The following UNKL variants were observed in gnomAD, a reference collection of about 807,000 sequenced individuals.
The protein encoded by UNKL is putative E3 ubiquitin-protein ligase UNKL.
Under a neutral mutation model 78.0 loss-of-function variants are expected in UNKL, and 60 were observed. The observed-to-expected ratio is 0.77, with a 90% CI of 0.63 to 0.95. The LOEUF (loss-of-function observed/expected upper bound fraction) is 0.95, where lower values mean the gene tolerates loss of function less well. Among genes scored for constraint, UNKL ranks in the 40% least tolerant of loss-of-function variants. UNKL has a pLI of 0.00. For missense variants in UNKL, 1,159 were observed against 1,045.7 expected (o/e 1.11, Z -1.49); for synonymous variants, 608 against 474.8 (o/e 1.28, Z -3.65).
At chr16:1,391,127 G>GTGAT (rs1384946655) in intron 8 of UNKL, among the ~76,000 whole-genome samples, 1 of 151,458 alleles carries the variant, frequency 6.6e-6, no homozygotes, top group Non-Finnish European at 1.5e-5. Context: ...TGCAGGCTGG[G>GTGAT]TGATAGAGTG....
chr16:1,364,948 T>TACA lies in UNKL; in HGVS notation c.*1289_*1291dup, dbSNP rs1555452776. On this transcript the variant is annotated 3_prime_UTR_variant, in exon 15 of 15. Coordinates refer to ENST00000389221, the MANE Select transcript of UNKL (RefSeq NM_001372107.1). Reference sequence around the variant, plus strand: ...ACGCCCAGCGACATCTCCAAGGAGCTACAAAGCACCATTGCCTAGGACAGC... The same window carrying TACA: ...ACGCCCAGCGACATCTCCAAGGAGCTACAACAAAGCACCATTGCCTAGGACAGC... 2 of 151,118 alleles carry TACA rather than the reference T, an allele frequency of 1.3e-5. No individual in the cohort carries two copies. The highest frequency in any genetic ancestry group is 6.6e-5 in the Admixed American group (1 of 15,180). The allele number at this position is 151,118 out of a possible 1,614,324, so 9.4% of individuals were successfully genotyped here. A position where few individuals can be genotyped will look rare whatever the true frequency, so the allele number is the denominator to read the frequency against.
chr16:1,366,889 A>AGGAAAGACGGCTCCCAGGG (rs1555453353), intron 14 of UNKL, among the ~76,000 whole-genome samples: 8 of 151,136 alleles, frequency 5.3e-5, no homozygotes, highest in Admixed American at 6.6e-5. Context: ...CCAGCCTGAC[A>AGGAAAGACGGCTCCCAGGG]GGAAAGGCGG....
intron 14 of UNKL, among the ~76,000 whole-genome samples, 180 bp from the exon 15 acceptor site, chr16:1,366,575 CA>C (rs959662281): frequency 1.3e-5 from 2 of 151,974 alleles, no homozygotes; most frequent in African/African-American, 2.4e-5. Flanking sequence ...GCTGCGGGGT[CA>C]GGGGGTATGC....
intron 7 of UNKL, 107 bp from the exon 8 acceptor site, chr16:1,393,083 C>A: frequency 8.4e-7 from 1 of 1,194,248 alleles, no homozygotes; most frequent in Non-Finnish European, 1.2e-6. Flanking sequence ...AGCCTCGTCA[C>A]AATCATCCCT....
intron 4 of UNKL, among the ~76,000 whole-genome samples, chr16:1,400,548 CTGCTCATAAG>C (rs2037481948): frequency 6.6e-6 from 1 of 150,578 alleles, no homozygotes; most frequent in African/African-American, 2.4e-5. Flanking sequence ...TGGGGAGGAA[CTGCTCATAAG>C]CAGGGGGGTT....
At chr16:1,372,084 G>A (rs914097996) in intron 10 of UNKL, among the ~76,000 whole-genome samples, 28 of 97,918 alleles carry the variant, frequency 2.9e-4, no homozygotes, top group African/African-American at 1.0e-3. Context: ...GTGAAACCCC[G>A]TCTCAACCAA....
intron 2 of UNKL, chr16:1,412,185 T>G (rs1043650492): frequency 1.3e-5 from 2 of 152,258 alleles, no homozygotes; most frequent in African/African-American, 4.8e-5. Context: ...ATATATAATC[T>G]GACTTGTATT....
At chr16:1,396,235 C>T (rs1171669946) in intron 6 of UNKL, among the ~76,000 whole-genome samples, 2 of 151,256 alleles carry the variant, frequency 1.3e-5, no homozygotes, top group African/African-American at 4.9e-5. Flanking sequence ...GCCACCGTGC[C>T]TGGCCTGAAC....
At chr16:1,383,984 C>T in intron 10 of UNKL, 1 of 223,270 alleles carries the variant, frequency 4.5e-6, no homozygotes, top group South Asian at 4.8e-5. Flanking sequence ...CCCGGCCTCA[C>T]TGTACCCCCA....
At chr16:1,375,638 T>A (rs1473929639) in intron 10 of UNKL, among the ~76,000 whole-genome samples, 2 of 152,156 alleles carry the variant, frequency 1.3e-5, no homozygotes, top group African/African-American at 4.8e-5. Flanking sequence ...TCGAAGGTCT[T>A]ATCCAGAAAC....
At chr16:1,376,015 G>GA in intron 10 of UNKL, among the ~76,000 whole-genome samples, 1 of 152,196 alleles carries the variant, frequency 6.6e-6, no homozygotes, top group Admixed American at 6.5e-5. Flanking sequence ...GAGCGGCCTT[G>GA]GACAGGTGGC....
In UNKL at chr16:1,365,414, C is replaced by T. The variant is rs2035162057; in HGVS notation, c.*826G>A. The T allele has an allele frequency of 1.3e-5, 2 of 152,364 alleles. No homozygotes were observed. The highest frequency in any genetic ancestry group is 4.8e-5 in the African/African-American group (2 of 41,468). 9.4% of individuals were successfully genotyped at this position (152,364 alleles called of 1,614,324 possible). On this transcript the variant is annotated 3_prime_UTR_variant, in exon 15 of 15. Coordinates refer to ENST00000389221, the MANE Select transcript of UNKL (RefSeq NM_001372107.1). ...GAAAACAAAACCCATGATGCTCCTT[C>T]ACTTGCTCTCCGAGGCGCAGGCGCA...
chr16:1,408,338 C>A, intron 2 of UNKL: 1 of 152,366 alleles, frequency 6.6e-6, no homozygotes, highest in Middle Eastern at 3.3e-3. Context: ...ATCGCGGGCG[C>A]GCAGCGGAGG....
At chr16:1,368,174 G>C (rs1315451093) in intron 12 of UNKL, 2 of 425,472 alleles carry the variant, frequency 4.7e-6, no homozygotes, top group African/African-American at 2.0e-5. Flanking sequence ...GGGAGGGGCA[G>C]TGGTTCTCAG....
Position 1,414,047 on chromosome 16 carries a change from T to C in UNKL, c.86A>G (p.Lys29Arg). Residue 29 changes from lysine to arginine, a missense_variant, in exon 2 of 15, where the codon AAG becomes AGG. Transcript: ENST00000389221. ...GGGGCACTGCTCCGTCCTGAACTCCTTCAGGTACCTACAAACACAGACAGC... is the reference window on the plus strand; with the variant it reads ...GGGGCACTGCTCCGTCCTGAACTCCCTCAGGTACCTACAAACACAGACAGC... ...TEKPTHYRYL[K>R]EFRTEQCPLF... The C allele has an allele frequency of 1.3e-6, 2 of 1,546,628 alleles. No individual in the cohort carries two copies. Among genetic ancestry groups the C allele is most frequent in the Non-Finnish European group, 1.7e-6 (2 of 1,144,164 alleles).
At chr16:1,386,187 T>C (rs1453070741) in intron 9 of UNKL, among the ~76,000 whole-genome samples, 1 of 152,186 alleles carries the variant, frequency 6.6e-6, no homozygotes, top group Non-Finnish European at 1.5e-5. Context: ...GGTGGGCAGA[T>C]TACTGGAGGT....
At chr16:1,400,702 T>A (rs1368438030) in intron 4 of UNKL, among the ~76,000 whole-genome samples, 2 of 152,038 alleles carry the variant, frequency 1.3e-5, no homozygotes, top group Non-Finnish European at 2.9e-5. Context: ...ACATTTTTTT[T>A]TTTGAAACGG....
chr16:1,399,565 GAGGAGACCAAAGGTGGA>G lies in UNKL; in HGVS notation c.599-73_599-57del. The G allele has an allele frequency of 1.9e-6, 3 of 1,551,260 alleles. No individual in the cohort carries two copies. Among genetic ancestry groups the G allele is most frequent in the Non-Finnish European group, 2.6e-6 (3 of 1,152,006 alleles). On this transcript the variant is annotated intron_variant, in intron 4 of 14. Transcript: ENST00000389221. The surrounding 1 kb of genome is among the most constrained non-coding windows in gnomAD (Gnocchi z 5.8). Reference sequence around the variant, plus strand: ...GCGCGACTGGAAGCAATGCTGGGCAGAGGAGACCAAAGGTGGAAGGACCTGGCTGTCCCCCAAATGGA... The same window carrying G: ...GCGCGACTGGAAGCAATGCTGGGCAGAGGACCTGGCTGTCCCCCAAATGGA...
intron 3 of UNKL, 92 bp from the exon 4 acceptor site, chr16:1,401,793 C>G (rs1300029610): frequency 3.3e-6 from 5 of 1,496,942 alleles, no homozygotes; most frequent in Non-Finnish European, 4.5e-6. Context: ...CCTCCCACCA[C>G]TGCACAGAGA....
Sources: allele counts gnomAD v4.1 joint callset (sites outside exome capture counted in the v4.1 genomes callset), GRCh38; gene constraint gnomAD v4.1.1; non-coding constraint Gnocchi (gnomAD v3.1); transcripts MANE v1.5; gene names NCBI Gene and HGNC (gene_info 2026-07-23, HGNC 2026-07-21).